Variants in VMP1 observed in about 807,000 individuals in gnomAD.
VMP1 encodes ectopic P-granules autophagy protein 3 homolog.
VMP1 carries 11 observed loss-of-function variants against 56.0 expected under a neutral mutation model. That is an observed-to-expected ratio of 0.20 (90% confidence interval 0.12 to 0.32). The LOEUF is 0.32. VMP1 is among the 10% of genes least tolerant of loss of function. VMP1 has a pLI of 1.00. For missense variants in VMP1, 296 were observed against 490.3 expected (o/e 0.60, Z 3.74); for synonymous variants, 149 against 165.0 (o/e 0.90, Z 0.74).
At chr17:59,754,515 A>G (rs1328407189) in intron 5 of VMP1, among the ~76,000 whole-genome samples, 2 of 152,190 alleles carry the variant, frequency 1.3e-5, no homozygotes, top group Non-Finnish European at 1.5e-5. Context: ...TTCCCTATCA[A>G]TTCAGCTTGA....
At chr17:59,763,600 GAAC>G (rs2036135154) in intron 5 of VMP1, among the ~76,000 whole-genome samples, 1 of 152,032 alleles carries the variant, frequency 6.6e-6, no homozygotes. Context: ...ACATATGTGT[GAAC>G]AACTTTGTAT....
At chr17:59,811,555 A>T in intron 8 of VMP1, 115 bp from the exon 9 acceptor site, 1 of 761,832 alleles carries the variant, frequency 1.3e-6, no homozygotes, top group South Asian at 1.6e-5. Context: ...CAAGGAACCC[A>T]TATATTGCTT....
intron 2 of VMP1, among the ~76,000 whole-genome samples, chr17:59,733,956 T>C (rs2034925484): frequency 6.6e-6 from 1 of 152,182 alleles, no homozygotes; most frequent in African/African-American, 2.4e-5. Flanking sequence ...GAGCCAGGAT[T>C]GGAACCAACT....
chr17:59,756,318 CTTT>C (rs1416807067), intron 5 of VMP1, among the ~76,000 whole-genome samples: 1 of 152,132 alleles, frequency 6.6e-6, no homozygotes, highest in Non-Finnish European at 1.5e-5. Context: ...CATTTTTCAT[CTTT>C]TTTTGTTTAT....
chr17:59,823,070 G>A (rs1317950339), intron 10 of VMP1, among the ~76,000 whole-genome samples: 1 of 152,088 alleles, frequency 6.6e-6, no homozygotes, highest in Non-Finnish European at 1.5e-5. Context: ...AGGCGACAGA[G>A]TGAGACCCTG....
chr17:59,804,030 A>G (rs1028145562), intron 7 of VMP1, among the ~76,000 whole-genome samples: 1 of 151,988 alleles, frequency 6.6e-6, no homozygotes, highest in Non-Finnish European at 1.5e-5. Context: ...TATACGTAGA[A>G]TAAAATTCTC....
chr17:59,724,164 A>T (rs1749009115), intron 1 of VMP1, among the ~76,000 whole-genome samples: 1 of 150,458 alleles, frequency 6.6e-6, no homozygotes, highest in African/African-American at 2.5e-5. Context: ...GTAAGCCATG[A>T]TTGCACCACT....
intron 6 of VMP1, among the ~76,000 whole-genome samples, chr17:59,771,754 A>C (rs1310925878): frequency 1.3e-5 from 2 of 151,184 alleles, no homozygotes; most frequent in Non-Finnish European, 3.0e-5. Context: ...CCACAAGTGC[A>C]TAATTTTTTG....
chr17:59,811,371 A>G (rs2038045545), intron 8 of VMP1, among the ~76,000 whole-genome samples: 1 of 152,182 alleles, frequency 6.6e-6, no homozygotes, highest in Non-Finnish European at 1.5e-5. Flanking sequence ...TCCAGTTCTC[A>G]TGTGATGGGC....
intron 5 of VMP1, among the ~76,000 whole-genome samples, chr17:59,758,633 TG>T (rs2035933366): frequency 6.6e-6 from 1 of 151,678 alleles, no homozygotes; most frequent in Admixed American, 6.6e-5. Context: ...GAGACTAGCC[TG>T]GGCAACATAG....
chr17:59,841,206 C>T lies in VMP1; in HGVS notation c.*1295C>T. 1 of 429,122 alleles carries T rather than the reference C, an allele frequency of 2.3e-6. No homozygotes were observed. The highest frequency in any genetic ancestry group is 2.2e-5 in the Admixed American group (1 of 44,842). The allele number at this position is 429,122 out of a possible 1,614,324, so 26.6% of individuals were successfully genotyped here. A position where few individuals can be genotyped will look rare whatever the true frequency, so the allele number is the denominator to read the frequency against. On this transcript the variant is annotated 3_prime_UTR_variant, in exon 12 of 12. Coordinates refer to ENST00000262291, the MANE Select transcript of VMP1 (RefSeq NM_030938.5). ...TTTTGTTTTTGTTTTTTTATCAAAT[C>T]CTGCCTGACTGTCTGCTTGTTTTGC...
At chr17:59,760,924 GTTTTC>G (rs1325719310) in intron 5 of VMP1, among the ~76,000 whole-genome samples, 5 of 150,874 alleles carry the variant, frequency 3.3e-5, no homozygotes, top group African/African-American at 4.9e-5. Flanking sequence ...CGGCCTATAT[GTTTTC>G]TTTTCTTTTC....
rs138168784 is a variant in VMP1 at position 59,787,886 on chromosome 17, A to G, written c.714+14001A>G. Among the ~76,000 whole-genome samples, 191 of 152,236 alleles carry G rather than the reference A, an allele frequency of 1.3e-3. 1 individual carries two copies. Among genetic ancestry groups the G allele is most frequent in the African/African-American group, 4.4e-3 (182 of 41,532 alleles). ...AACTTTTAAACTCGACCTCCTAAAA[A>G]TTTCTTTTATTCGGCTTACACTTTT... is the stretch of plus-strand genomic sequence containing the variant. On this transcript the variant is annotated intron_variant, in intron 7 of 11. Coordinates refer to ENST00000262291, the MANE Select transcript of VMP1 (RefSeq NM_030938.5).
At chr17:59,756,113 T>G (rs1312273539) in intron 5 of VMP1, among the ~76,000 whole-genome samples, 1 of 152,178 alleles carries the variant, frequency 6.6e-6, no homozygotes, top group East Asian at 1.9e-4. Flanking sequence ...TGGTTAAACT[T>G]GTCAGTGCCC....
At chr17:59,708,347 C>T (rs2033769291) in intron 1 of VMP1, among the ~76,000 whole-genome samples, 1 of 152,180 alleles carries the variant, frequency 6.6e-6, no homozygotes, top group Non-Finnish European at 1.5e-5. Flanking sequence ...CCCCTGAACC[C>T]CGACCTCTAT....
chr17:59,822,416 C>G (rs761565495), intron 10 of VMP1, among the ~76,000 whole-genome samples: 1 of 150,382 alleles, frequency 6.6e-6, no homozygotes, highest in Non-Finnish European at 1.5e-5. Context: ...CCAATCTCCG[C>G]CTCCCGGGTT....
intron 10 of VMP1, among the ~76,000 whole-genome samples, chr17:59,821,012 C>G (rs1401319097): frequency 6.7e-6 from 1 of 149,982 alleles, no homozygotes; most frequent in Admixed American, 6.6e-5. Context: ...ACTGTGTCGC[C>G]CAGGCTGGAG....
At chr17:59,720,602 T>C (rs1306119362) in intron 1 of VMP1, among the ~76,000 whole-genome samples, 6 of 152,212 alleles carry the variant, frequency 3.9e-5, no homozygotes. Context: ...TGATACTGCA[T>C]TTAAAAATAT....
intron 5 of VMP1, among the ~76,000 whole-genome samples, chr17:59,760,582 G>A (rs973761897): frequency 1.3e-5 from 2 of 151,958 alleles, no homozygotes; most frequent in African/African-American, 4.8e-5. Flanking sequence ...TGACATGATT[G>A]TGATGATTTT....
Sources: gnomAD v4.1 joint callset for allele counts (sites outside exome capture counted in the v4.1 genomes callset) on GRCh38, gnomAD v4.1.1 for gene constraint, MANE v1.5 for transcripts, NCBI Gene and HGNC (gene_info 2026-07-23, HGNC 2026-07-21) for gene names.